DPP6: variants seen among roughly 807,000 people sequenced by gnomAD.
DPP6 encodes the protein dipeptidyl peptidase like 6, also known as A-type potassium channel modulatory protein DPP6.
In DPP6, 69 loss-of-function variants were observed where a neutral mutation model predicts 122.6. That is an observed-to-expected ratio of 0.56 (90% CI 0.46 to 0.69). DPP6 has a LOEUF of 0.69. Among genes scored for constraint, DPP6 ranks in the 30% least tolerant of loss-of-function variants. The pLI is 0.00. For missense variants in DPP6, 928 were observed against 1,116.9 expected (o/e 0.83, Z 2.41); for synonymous variants, 418 against 433.1 (o/e 0.97, Z 0.43).
intron 16 of DPP6, among the ~76,000 whole-genome samples, chr7:154,848,139 A>G (rs555795541): frequency 6.6e-6 from 1 of 152,372 alleles, no homozygotes; most frequent in Non-Finnish European, 1.5e-5. Context: ...ATGGAAGTAC[A>G]GACAGCTCTT....
chr7:154,379,517 A>C, intron 1 of DPP6, among the ~76,000 whole-genome samples: 1 of 152,236 alleles, frequency 6.6e-6, no homozygotes, highest in South Asian at 2.1e-4. Flanking sequence ...ATAATTTTTT[A>C]AAAAAAGAAT....
chr7:154,120,549 T>C (rs529274467), intron 1 of DPP6, among the ~76,000 whole-genome samples: 2 of 152,290 alleles, frequency 1.3e-5, no homozygotes, highest in East Asian at 1.9e-4. Context: ...CAGCCATCTA[T>C]GTTCATTTCA....
chr7:154,791,796 G>A (rs1386649427), intron 10 of DPP6, among the ~76,000 whole-genome samples: 1 of 152,332 alleles, frequency 6.6e-6, no homozygotes, highest in East Asian at 1.9e-4. Flanking sequence ...CACTGCTGTT[G>A]ATGCTGCACA....
chr7:154,881,850 G>C (rs1805414252), intron 21 of DPP6, among the ~76,000 whole-genome samples: 1 of 152,264 alleles, frequency 6.6e-6, no homozygotes, highest in African/African-American at 2.4e-5. Flanking sequence ...TCCTTGTTCA[G>C]AGCCCGGGCA....
chr7:154,670,452 C>G (rs1314487175), intron 7 of DPP6, among the ~76,000 whole-genome samples: 1 of 152,238 alleles, frequency 6.6e-6, no homozygotes, highest in Non-Finnish European at 1.5e-5. Context: ...AGCAGCCCAG[C>G]CATGTAGTGA....
chr7:154,707,194 G>A (rs1278799459), intron 7 of DPP6, among the ~76,000 whole-genome samples: 1 of 152,178 alleles, frequency 6.6e-6, no homozygotes, highest in Non-Finnish European at 1.5e-5. Context: ...GATTGGATAG[G>A]TTGATGACAC....
At chr7:154,036,381 A>C (rs1799540264) in intron 1 of DPP6, among the ~76,000 whole-genome samples, 1 of 148,318 alleles carries the variant, frequency 6.7e-6, no homozygotes, top group Non-Finnish European at 1.5e-5. Context: ...TCAGCCTCCC[A>C]AAGTGCTGGG....
intron 7 of DPP6, among the ~76,000 whole-genome samples, chr7:154,714,066 G>A (rs948583364): frequency 2.0e-5 from 3 of 152,210 alleles, no homozygotes; most frequent in Non-Finnish European, 2.9e-5. Context: ...TGCATAGCAA[G>A]AGTGATCTTT....
intron 2 of DPP6, among the ~76,000 whole-genome samples, chr7:154,469,966 G>C (rs958070750): frequency 6.6e-6 from 1 of 152,206 alleles, no homozygotes; most frequent in Non-Finnish European, 1.5e-5. Flanking sequence ...TGGAATTTGT[G>C]AATTAATGGT....
chr7:153,952,604 A>C (rs1229983667), intron 1 of DPP6, among the ~76,000 whole-genome samples: 2 of 152,254 alleles, frequency 1.3e-5, no homozygotes, highest in African/African-American at 4.8e-5. Context: ...TGAAATGTGG[A>C]GAACCAATGT....
chr7:154,167,639 C>T (rs1178731423), intron 1 of DPP6, among the ~76,000 whole-genome samples: 1 of 152,188 alleles, frequency 6.6e-6, no homozygotes, highest in Non-Finnish European at 1.5e-5. Context: ...CTGTGACCTG[C>T]AGGGGGTTAG....
intron 1 of DPP6, among the ~76,000 whole-genome samples, chr7:153,962,363 C>T (rs73729242): frequency 0.025 from 3,747 of 152,238 alleles, 140 homozygotes; most frequent in African/African-American, 0.085. Flanking sequence ...CTTCCTCCTT[C>T]GCTCCTGTGG....
chr7:154,216,675 A>T (rs537838383), intron 1 of DPP6, among the ~76,000 whole-genome samples: 1 of 152,136 alleles, frequency 6.6e-6, no homozygotes, highest in African/African-American at 2.4e-5. Flanking sequence ...CCAGGGAATC[A>T]GTGCCAGCTC....
intron 1 of DPP6, among the ~76,000 whole-genome samples, chr7:154,254,919 T>C (rs1802562034): frequency 6.6e-6 from 1 of 152,064 alleles, no homozygotes; most frequent in East Asian, 1.9e-4. Context: ...AATACATTAT[T>C]AGGGAAAAGG....
chr7:154,225,158 T>C (rs1800520842), intron 1 of DPP6, among the ~76,000 whole-genome samples: 1 of 151,786 alleles, frequency 6.6e-6, no homozygotes. Context: ...AATAAATAAG[T>C]AAATAAAAAT....
At chr7:154,145,436 T>C (rs767293163) in intron 1 of DPP6, among the ~76,000 whole-genome samples, 1 of 152,188 alleles carries the variant, frequency 6.6e-6, no homozygotes, top group Non-Finnish European at 1.5e-5. Context: ...GAAAGAAATA[T>C]AGCCCAGCCA....
intron 1 of DPP6, among the ~76,000 whole-genome samples, chr7:153,993,214 C>G (rs1056673442): frequency 1.1e-4 from 17 of 152,130 alleles, no homozygotes; most frequent in Non-Finnish European, 1.9e-4. Context: ...GGGCCTGTAA[C>G]CTAGCAGGGG....
chr7:153,936,106 C>T (rs1056468468), intron 1 of DPP6, among the ~76,000 whole-genome samples: 2 of 152,216 alleles, frequency 1.3e-5, no homozygotes, highest in African/African-American at 4.8e-5. Flanking sequence ...TCTGTACCGG[C>T]ATCTGCGCTC....
intron 1 of DPP6, among the ~76,000 whole-genome samples, chr7:154,382,642 G>T (rs1813730042): frequency 6.6e-6 from 1 of 152,164 alleles, no homozygotes; most frequent in Non-Finnish European, 1.5e-5. Flanking sequence ...TATTTGTTAG[G>T]GAATGAATGA....
Sources: gnomAD v4.1 joint callset for allele counts (sites outside exome capture counted in the v4.1 genomes callset) on GRCh38, gnomAD v4.1.1 for gene constraint, MANE v1.5 for transcripts, NCBI Gene and HGNC (gene_info 2026-07-23, HGNC 2026-07-21) for gene names.